PTGFRN: variants seen among roughly 807,000 people sequenced by gnomAD.
PTGFRN encodes prostaglandin F2 receptor inhibitor.
Under a neutral mutation model 83.2 loss-of-function variants are expected in PTGFRN, and 35 were observed. The observed-to-expected ratio is 0.42, with a 90% CI of 0.32 to 0.56. PTGFRN has a LOEUF of 0.56. PTGFRN is among the 20% of genes least tolerant of loss of function. The pLI is 0.11. For missense variants in PTGFRN, 1,051 were observed against 1,179.5 expected (o/e 0.89, Z 1.60); for synonymous variants, 519 against 498.6 (o/e 1.04, Z -0.55).
At position 116,941,843 on chromosome 1, in the gene PTGFRN, T is replaced by G; in HGVS notation, c.178T>G (p.Phe60Val). 6.2e-7 allele frequency: 1 copy of G among 1,614,128 alleles called. No individual in the cohort carries two copies. The highest frequency in any genetic ancestry group is 2.2e-5 in the East Asian group (1 of 44,876). ...CAGCGAGCAAAACTTTGACTGGAGC[T>G]TCTCATCTTTGGGGAGCAGCTTTGT... The part of the protein sequence containing the change: ...GPSEQNFDWS[F>V]SSLGSSFVEL... The change falls in exon 2 of 9, where the codon TTC becomes GTC. Residue 60 changes from phenylalanine to valine, a missense_variant. This residue lies in a region of PTGFRN where 127 missense variants were observed against 168.4 expected (regional missense o/e 0.75). Coordinates refer to ENST00000393203, the MANE Select transcript of PTGFRN (RefSeq NM_020440.4). This position sits in a 1 kb window ranked among gnomAD's most constrained non-coding sequence, Gnocchi z 5.0.
chr1:116,958,003 T>A lies in PTGFRN; in HGVS notation c.1214-3240T>A, dbSNP rs895963243. Among the ~76,000 whole-genome samples the A allele has an allele frequency of 1.3e-5, 2 of 152,216 alleles. No homozygotes were observed. The highest frequency in any genetic ancestry group is 2.9e-5 in the Non-Finnish European group (2 of 68,030). On this transcript the variant is annotated intron_variant, in intron 4 of 8. Transcript: ENST00000393203. This position sits in a 1 kb window ranked among gnomAD's most constrained non-coding sequence, Gnocchi z 4.9. ...ATTGTGTATATATACCATATTTTTT[T>A]AATCCATTCATCTGTTGATGGACAC...
intron 4 of PTGFRN, among the ~76,000 whole-genome samples, chr1:116,950,037 A>G (rs1019017498): frequency 6.6e-6 from 1 of 152,126 alleles, no homozygotes; most frequent in African/African-American, 2.4e-5. Context: ...GAATCCCACA[A>G]TATATCTGTA....
chr1:116,910,501 C>T (rs1480934741), intron 1 of PTGFRN, among the ~76,000 whole-genome samples: 1 of 151,836 alleles, frequency 6.6e-6, no homozygotes, highest in Non-Finnish European at 1.5e-5. Flanking sequence ...CCGAGCCTCG[C>T]CCCCAACATG....
chr1:116,972,978 C>G (rs1333733286), intron 6 of PTGFRN, among the ~76,000 whole-genome samples: 2 of 151,922 alleles, frequency 1.3e-5, no homozygotes, highest in Non-Finnish European at 2.9e-5. Flanking sequence ...TTTATTGAGA[C>G]AGTGGCACGA....
intron 1 of PTGFRN, among the ~76,000 whole-genome samples, chr1:116,935,355 G>A (rs533710831): frequency 4.6e-5 from 7 of 152,318 alleles, no homozygotes; most frequent in South Asian, 2.1e-4. Context: ...AGAAAAGGCA[G>A]TGGGTATTGT....
At position 116,918,596 on chromosome 1, in the gene PTGFRN, A is replaced by G. The variant is rs534585751; in HGVS notation, c.49+8344A>G. 4.6e-5 allele frequency among the ~76,000 whole-genome samples: 7 copies of G among 152,346 alleles called. No individual in the cohort carries two copies. Among genetic ancestry groups the G allele is most frequent in the African/African-American group, 1.7e-4 (7 of 41,582 alleles). ...AGGTTTGGCATACAAATTACTTGGT[A>G]GTCTGGGCTTTCTCAGTGGGACTGA... On this transcript the variant is annotated intron_variant, in intron 1 of 8. Coordinates refer to ENST00000393203, the MANE Select transcript of PTGFRN (RefSeq NM_020440.4). The surrounding 1 kb of genome is among the most constrained non-coding windows in gnomAD (Gnocchi z 4.1).
intron 3 of PTGFRN, among the ~76,000 whole-genome samples, chr1:116,945,569 C>G (rs1159430684): frequency 6.6e-6 from 1 of 152,084 alleles, no homozygotes; most frequent in Non-Finnish European, 1.5e-5. Flanking sequence ...AACCTTTCAT[C>G]TAACTTGTAT....
At chr1:116,974,583 C>T (rs1303375168) in intron 7 of PTGFRN, 6 of 387,340 alleles carry the variant, frequency 1.5e-5, no homozygotes, top group East Asian at 7.9e-5. Flanking sequence ...ACTTCCAGGC[C>T]TATTTCAGGC....
chr1:116,926,800 G>T (rs1448897134), intron 1 of PTGFRN, among the ~76,000 whole-genome samples: 1 of 152,050 alleles, frequency 6.6e-6, no homozygotes, highest in Non-Finnish European at 1.5e-5. Flanking sequence ...TAAATATTGT[G>T]GAATAACACA....
chr1:116,948,509 T>G (rs1650256511), intron 3 of PTGFRN, among the ~76,000 whole-genome samples: 1 of 152,260 alleles, frequency 6.6e-6, no homozygotes, highest in Non-Finnish European at 1.5e-5. Flanking sequence ...ACATTACATT[T>G]TGAAGACTTG....
At chr1:116,965,764 T>G (rs890923541) in intron 5 of PTGFRN, among the ~76,000 whole-genome samples, 1 of 152,248 alleles carries the variant, frequency 6.6e-6, no homozygotes, top group African/African-American at 2.4e-5. Flanking sequence ...TTTGTTTATT[T>G]CATTTGTCTT....
intron 1 of PTGFRN, among the ~76,000 whole-genome samples, chr1:116,932,904 T>G (rs1002371007): frequency 5.3e-5 from 8 of 152,250 alleles, no homozygotes; most frequent in Non-Finnish European, 1.2e-4. Flanking sequence ...ATAGCTGTTA[T>G]GACCTTCAGG....
At chr1:116,948,947 C>T (rs890265652) in intron 3 of PTGFRN, among the ~76,000 whole-genome samples, 3 of 152,130 alleles carry the variant, frequency 2.0e-5, no homozygotes. Flanking sequence ...CAGAACACTG[C>T]CTGGCATATA....
chr1:116,961,366 C>G lies in PTGFRN; in HGVS notation c.1337C>G (p.Ser446Trp), dbSNP rs749956453. The change falls in exon 5 of 9, where the codon TCG (serine) becomes TGG (tryptophan). Residue 446 changes from serine to tryptophan, a missense_variant. By Grantham distance (177) the Ser-to-Trp change is radical. This residue lies in a region of PTGFRN where 719 missense variants were observed against 836.6 expected (regional missense o/e 0.86). Coordinates refer to ENST00000393203, the MANE Select transcript of PTGFRN (RefSeq NM_020440.4). The surrounding 1 kb of genome is among the most constrained non-coding windows in gnomAD (Gnocchi z 5.4). ...GAGGCGAATGTCCGATTCACGGTTT[C>G]GTGGTACTACAGGATGAACCGGCGC... is the stretch of plus-strand genomic sequence containing the variant. ...SGEANVRFTV[S>W]WYYRMNRRSD... The G allele has an allele frequency of 6.2e-7, 1 of 1,600,574 alleles. No homozygotes were observed. Among genetic ancestry groups the G allele is most frequent in the Non-Finnish European group, 8.5e-7 (1 of 1,170,854 alleles).
intron 6 of PTGFRN, among the ~76,000 whole-genome samples, chr1:116,973,331 T>TCTCTTAAAGA (rs1332245428): frequency 2.0e-5 from 3 of 151,914 alleles, no homozygotes; most frequent in Admixed American, 1.3e-4. Flanking sequence ...ACCTCAGTAG[T>TCTCTTAAAGA]CTCTTAAAGG....
At chr1:116,929,566 C>A (rs1649741893) in intron 1 of PTGFRN, among the ~76,000 whole-genome samples, 1 of 152,146 alleles carries the variant, frequency 6.6e-6, no homozygotes, top group Non-Finnish European at 1.5e-5. Flanking sequence ...TTTATATTTG[C>A]TGTTCTGTGT....
At chr1:116,930,146 A>G (rs1334843768) in intron 1 of PTGFRN, among the ~76,000 whole-genome samples, 1 of 152,226 alleles carries the variant, frequency 6.6e-6, no homozygotes, top group African/African-American at 2.4e-5. Flanking sequence ...GCTTTAAAGG[A>G]GCTTGCAGTC....
At chr1:116,963,746 T>G (rs946114291) in intron 5 of PTGFRN, among the ~76,000 whole-genome samples, 16 of 151,850 alleles carry the variant, frequency 1.1e-4, no homozygotes, top group Non-Finnish European at 2.1e-4. Flanking sequence ...CGGTTGGGAC[T>G]GCGGGTGCTC....
chr1:116,956,114 T>C (rs1023571353), intron 4 of PTGFRN, among the ~76,000 whole-genome samples: 1 of 152,222 alleles, frequency 6.6e-6, no homozygotes, highest in Non-Finnish European at 1.5e-5. Context: ...CAGAACCTGC[T>C]CCTACTCCTA....
Sources: allele counts gnomAD v4.1 joint callset (sites outside exome capture counted in the v4.1 genomes callset), GRCh38; gene constraint gnomAD v4.1.1; regional missense constraint gnomAD v4.1.1; non-coding constraint Gnocchi (gnomAD v3.1); transcripts MANE v1.5; gene names NCBI Gene and HGNC (gene_info 2026-07-23, HGNC 2026-07-21).